ERC2: variants seen among roughly 807,000 people sequenced by gnomAD.
ERC2 encodes ERC protein 2.
ERC2 carries 42 observed loss-of-function variants against 114.8 expected under a neutral mutation model. That is an observed-to-expected ratio of 0.37 (90% CI 0.29 to 0.47). The LOEUF (loss-of-function observed/expected upper bound fraction) is 0.47, where lower values mean the gene tolerates loss of function less well. ERC2 is among the 20% of genes least tolerant of loss of function. The pLI is 0.99. For synonymous variants in ERC2, 454 were observed against 425.5 expected (o/e 1.07, Z -0.82); for missense variants, 939 against 1,150.7 (o/e 0.82, Z 2.66).
intron 6 of ERC2, among the ~76,000 whole-genome samples, chr3:56,131,778 T>C (rs2080214879): frequency 1.3e-5 from 2 of 152,206 alleles, no homozygotes; most frequent in African/African-American, 4.8e-5. Context: ...TCTGTAGCAC[T>C]GTAAGGTGAC....
At chr3:55,832,282 T>G (rs2060638041) in intron 14 of ERC2, among the ~76,000 whole-genome samples, 1 of 152,236 alleles carries the variant, frequency 6.6e-6, no homozygotes, top group Non-Finnish European at 1.5e-5. Flanking sequence ...GCTGGAGATC[T>G]GAGAACAGGC....
At chr3:56,421,713 T>C (rs1031973224) in intron 2 of ERC2, among the ~76,000 whole-genome samples, 1 of 152,198 alleles carries the variant, frequency 6.6e-6, no homozygotes, top group Non-Finnish European at 1.5e-5. Flanking sequence ...ACTGGCTTTG[T>C]TGATATTCCT....
chr3:55,691,023 T>C (rs1412621014), intron 16 of ERC2, among the ~76,000 whole-genome samples: 2 of 152,178 alleles, frequency 1.3e-5, no homozygotes, highest in East Asian at 1.9e-4. Context: ...CAGACATTTG[T>C]CCCCATTTCC....
intron 13 of ERC2, among the ~76,000 whole-genome samples, chr3:55,943,342 G>A (rs2066924167): frequency 6.6e-6 from 1 of 152,148 alleles, no homozygotes; most frequent in South Asian, 2.1e-4. Flanking sequence ...CACGTGTTAT[G>A]GAGTAAAATA....
chr3:55,882,509 C>T (rs2063160827), intron 14 of ERC2, among the ~76,000 whole-genome samples: 1 of 152,206 alleles, frequency 6.6e-6, no homozygotes, highest in Admixed American at 6.5e-5. Context: ...TGGATTCAAT[C>T]AACCACGGAT....
rs112956710 is a variant in ERC2, at chr3:56,256,214, A to G, written c.1074+39805T>C. Among the ~76,000 whole-genome samples, 1,388 of 152,334 alleles carry G rather than the reference A, an allele frequency of 9.1e-3. 16 individuals are homozygous for G. The highest frequency in any genetic ancestry group is 0.031 in the African/African-American group (1,272 of 41,568). On this transcript the variant is annotated intron_variant, in intron 3 of 17. Transcript: ENST00000288221. ...TGCCAGGAGGAGACCTGCAGAGACA[A>G]CTAGGAACAACCAGTACTTACCATG... is the stretch of plus-strand genomic sequence containing the variant.
chr3:55,960,264 C>T (rs1309255134), intron 12 of ERC2, among the ~76,000 whole-genome samples: 3 of 152,182 alleles, frequency 2.0e-5, no homozygotes, highest in Non-Finnish European at 4.4e-5. Flanking sequence ...ACTTTGCTGG[C>T]CAGTCTCATC....
intron 17 of ERC2, among the ~76,000 whole-genome samples, chr3:55,625,046 A>G (rs2059456420): frequency 6.6e-6 from 1 of 152,224 alleles, no homozygotes; most frequent in African/African-American, 2.4e-5. Flanking sequence ...CCAAAAAGGA[A>G]AATGGTGATA....
chr3:56,398,685 C>T lies in ERC2; in HGVS notation c.657+35666G>A, dbSNP rs151057811. Among the ~76,000 whole-genome samples, 114 of 152,030 alleles carry T rather than the reference C, an allele frequency of 7.5e-4. 1 individual carries two copies. In the East Asian group the frequency reaches 9.3e-3, roughly 12 times the overall value. On this transcript the variant is annotated intron_variant, in intron 2 of 17. Transcript: ENST00000288221. Reference sequence around the variant, plus strand: ...TGTTGGCCAGGCTGTAGTGCAGTAGCGGTATGATCATAGTTCACTGTAACT... The same window carrying T: ...TGTTGGCCAGGCTGTAGTGCAGTAGTGGTATGATCATAGTTCACTGTAACT...
At chr3:56,115,413 G>T (rs182239577) in intron 6 of ERC2, among the ~76,000 whole-genome samples, 1 of 151,998 alleles carries the variant, frequency 6.6e-6, no homozygotes, top group Non-Finnish European at 1.5e-5. Context: ...GTTCCTCTAG[G>T]AACCAGCCCC....
intron 3 of ERC2, among the ~76,000 whole-genome samples, chr3:56,278,592 A>C (rs1279559314): frequency 6.6e-6 from 1 of 152,202 alleles, no homozygotes; most frequent in Non-Finnish European, 1.5e-5. Context: ...TTGTGTTGCT[A>C]TCAAGAAATA....
At chr3:56,182,616 A>C (rs1182254623) in intron 3 of ERC2, among the ~76,000 whole-genome samples, 1 of 152,216 alleles carries the variant, frequency 6.6e-6, no homozygotes, top group Non-Finnish European at 1.5e-5. Context: ...AGAAACAGAA[A>C]TAGAGAAGTT....
At chr3:55,706,240 C>T (rs815432) in intron 15 of ERC2, among the ~76,000 whole-genome samples, 81,095 of 151,870 alleles carry the variant, frequency 0.53, 22,744 homozygotes, top group South Asian at 0.73. Flanking sequence ...AGAAAACTGC[C>T]CATTGATGCA....
intron 3 of ERC2, among the ~76,000 whole-genome samples, chr3:56,187,001 G>A (rs2083665397): frequency 6.6e-6 from 1 of 152,200 alleles, no homozygotes; most frequent in Non-Finnish European, 1.5e-5. Flanking sequence ...CTTCAGGAAA[G>A]CTTTAAGGGA....
chr3:56,453,971 C>A (rs1030501316), intron 1 of ERC2, among the ~76,000 whole-genome samples: 1 of 152,126 alleles, frequency 6.6e-6, no homozygotes, highest in Non-Finnish European at 1.5e-5. Context: ...TGTAACTGAC[C>A]CAAGCATGCC....
intron 3 of ERC2, among the ~76,000 whole-genome samples, chr3:56,195,141 A>G (rs1575774004): frequency 6.6e-6 from 1 of 152,326 alleles, no homozygotes; most frequent in Non-Finnish European, 1.5e-5. Flanking sequence ...GCCATTATTA[A>G]GTAAATAAGG....
chr3:56,338,185 G>A (rs1391734892), intron 2 of ERC2, among the ~76,000 whole-genome samples: 1 of 152,234 alleles, frequency 6.6e-6, no homozygotes, highest in African/African-American at 2.4e-5. Context: ...GACAGGAAAG[G>A]AGAACACAGA....
intron 13 of ERC2, among the ~76,000 whole-genome samples, chr3:55,893,467 T>C (rs1288521884): frequency 6.6e-6 from 1 of 152,162 alleles, no homozygotes; most frequent in Non-Finnish European, 1.5e-5. Flanking sequence ...TAACCACCTG[T>C]TGATCACTTC....
rs1001275866 is a variant in ERC2 at position 55,709,129 on chromosome 3, C to A, written c.2713-9617G>T. On this transcript the variant is annotated intron_variant, in intron 15 of 17. Coordinates refer to ENST00000288221, the MANE Select transcript of ERC2 (RefSeq NM_015576.3). The stretch of plus-strand genomic sequence containing the variant: ...AAAACAGCCTCGGGGTATCGCCTAA[C>A]AGAATTGGCCAATAGGCTAGAAACT... Among the ~76,000 whole-genome samples, 18 of 152,098 alleles carry A rather than the reference C, an allele frequency of 1.2e-4. No individual in the cohort carries two copies. The East Asian group carries it at 3.5e-3, about 29-fold the overall frequency.
Sources: gnomAD v4.1 joint callset for allele counts (sites outside exome capture counted in the v4.1 genomes callset) on GRCh38, gnomAD v4.1.1 for gene constraint, MANE v1.5 for transcripts, NCBI Gene and HGNC (gene_info 2026-07-23, HGNC 2026-07-21) for gene names.